CYYR1: variants seen among roughly 807,000 people sequenced by gnomAD.
CYYR1 encodes cysteine and tyrosine-rich protein 1.
In CYYR1, 14 loss-of-function variants were observed where a neutral mutation model predicts 15.2. That is an observed-to-expected ratio of 0.92 (90% CI 0.61 to 1.44). The LOEUF is 1.44. Ranked by LOEUF, CYYR1 falls within the 40% of genes most tolerant of loss-of-function variation. CYYR1 has a pLI of 0.00. For synonymous variants in CYYR1, 80 were observed against 77.4 expected (o/e 1.03, Z -0.18); for missense variants, 228 against 209.5 (o/e 1.09, Z -0.54).
At chr21:26,473,442 T>C (rs1212583332) in intron 3 of CYYR1, among the ~76,000 whole-genome samples, 1 of 152,138 alleles carries the variant, frequency 6.6e-6, no homozygotes, top group East Asian at 1.9e-4. Flanking sequence ...TCAGATAGCA[T>C]CAAGACAAAT....
chr21:26,509,591 G>A (rs1352472779), intron 2 of CYYR1, among the ~76,000 whole-genome samples: 1 of 152,144 alleles, frequency 6.6e-6, no homozygotes, highest in Non-Finnish European at 1.5e-5. Context: ...GATCTCAGTG[G>A]CTTTACTGAA....
At chr21:26,488,282 T>TTCCTTCCA (rs1156282921) in intron 2 of CYYR1, among the ~76,000 whole-genome samples, 14 of 151,482 alleles carry the variant, frequency 9.2e-5, no homozygotes, top group African/African-American at 3.4e-4. Context: ...CCTTCCTTCC[T>TTCCTTCCA]TCCAGACAAG....
intron 2 of CYYR1, among the ~76,000 whole-genome samples, chr21:26,537,410 A>G (rs1030720910): frequency 1.3e-5 from 2 of 152,246 alleles, no homozygotes; most frequent in Middle Eastern, 3.4e-3. Flanking sequence ...TTTTATTGCA[A>G]TACTAAAAAG....
chr21:26,478,216 C>T, intron 3 of CYYR1: 2 of 1,515,732 alleles, frequency 1.3e-6, no homozygotes, highest in East Asian at 2.5e-5. Context: ...TAAAAGCACT[C>T]TGGATAAAAA....
chr21:26,528,896 T>C (rs888232089), intron 2 of CYYR1, among the ~76,000 whole-genome samples: 34 of 152,310 alleles, frequency 2.2e-4, no homozygotes, highest in Non-Finnish European at 4.9e-4. Flanking sequence ...AAAGATCTCT[T>C]ATAAGCCTTT....
At chr21:26,505,063 TA>T (rs894260116) in intron 2 of CYYR1, among the ~76,000 whole-genome samples, 3 of 152,232 alleles carry the variant, frequency 2.0e-5, no homozygotes, top group African/African-American at 7.2e-5. Context: ...GAAAGATGGT[TA>T]AAATATTTTA....
At position 26,541,811 on chromosome 21, in the gene CYYR1, G is replaced by T. The variant is rs144821222; in HGVS notation, c.176+24455C>A. ...AAGTTATTACATTTTATGAGAAGGG[G>T]TGCTTAACTTTCAATAGAAAAATTA... On this transcript the variant is annotated intron_variant, in intron 2 of 3. Transcript: ENST00000652641. Among the ~76,000 whole-genome samples, 4 of 152,268 alleles carry T rather than the reference G, an allele frequency of 2.6e-5. No individual in the cohort carries two copies. In the East Asian group the frequency reaches 7.7e-4, roughly 29 times the overall value.
At chr21:26,474,124 G>A (rs914887311) in intron 3 of CYYR1, among the ~76,000 whole-genome samples, 3 of 143,462 alleles carry the variant, frequency 2.1e-5, no homozygotes, top group African/African-American at 7.7e-5. Context: ...TTGCCTCACT[G>A]TAAACTCCAC....
intron 2 of CYYR1, among the ~76,000 whole-genome samples, chr21:26,491,786 C>G (rs8129721): frequency 0.025 from 3,827 of 152,192 alleles, 154 homozygotes; most frequent in African/African-American, 0.086. Flanking sequence ...TTGCTTTTGT[C>G]TACACATTAC....
rs1569181064 is a variant in CYYR1 at position 26,566,383 on chromosome 21, C to A, written c.74-15G>T. ...AAGGCAATCATCTACAAAACAAAAACCACTTGTGAGCAGTTATAGTTGTAA... is the reference window on the plus strand; with the variant it reads ...AAGGCAATCATCTACAAAACAAAAAACACTTGTGAGCAGTTATAGTTGTAA... On this transcript the variant is annotated splice_polypyrimidine_tract_variant and intron_variant, in intron 1 of 3. Coordinates refer to ENST00000652641, the MANE Select transcript of CYYR1 (RefSeq NM_001320768.2). 5 of 1,590,510 alleles carry A rather than the reference C, an allele frequency of 3.1e-6. No individual in the cohort carries two copies. The highest frequency in any genetic ancestry group is 4.3e-6 in the Non-Finnish European group (5 of 1,159,766).
At chr21:26,501,285 C>T (rs757921190) in intron 2 of CYYR1, among the ~76,000 whole-genome samples, 6 of 152,120 alleles carry the variant, frequency 3.9e-5, no homozygotes, top group Non-Finnish European at 4.4e-5. Context: ...TGCAGTGAGC[C>T]GAGATTGCAC....
intron 2 of CYYR1, among the ~76,000 whole-genome samples, chr21:26,562,799 A>AACACACACACACACACACACACACACAC (rs57351372): frequency 7.5e-6 from 1 of 132,490 alleles, no homozygotes; most frequent in Non-Finnish European, 1.6e-5. Context: ...GACATACACA[A>AACACACACACACACACACACACACACAC]ACACACACAC....
In CYYR1 at chr21:26,468,481, G is replaced by A. The variant is rs773986577; in HGVS notation, c.*20C>T. ...CAGGCAAGATCGCCCATTGGCACATGTTCTGTTCTGGGAGATAGATTATTT... is the reference window on the plus strand; with the variant it reads ...CAGGCAAGATCGCCCATTGGCACATATTCTGTTCTGGGAGATAGATTATTT... On this transcript the variant is annotated 3_prime_UTR_variant, in exon 4 of 4. Transcript: ENST00000652641. The A allele has an allele frequency of 2.7e-6, 4 of 1,455,350 alleles. No homozygotes were observed. In the East Asian group the frequency reaches 6.8e-5, roughly 25 times the overall value. The allele number at this position is 1,455,350 out of a possible 1,614,324, so 90.2% of individuals were successfully genotyped here.
chr21:26,484,912 C>T (rs2065230793), intron 2 of CYYR1, among the ~76,000 whole-genome samples: 2 of 151,916 alleles, frequency 1.3e-5, no homozygotes. Flanking sequence ...GAAGTTGGTG[C>T]CCTTGATCCT....
At chr21:26,564,079 G>C (rs1980433724) in intron 2 of CYYR1, among the ~76,000 whole-genome samples, 1 of 151,844 alleles carries the variant, frequency 6.6e-6, no homozygotes, top group Admixed American at 6.6e-5. Flanking sequence ...CATCATTTAT[G>C]AATTTCAAAA....
intron 2 of CYYR1, among the ~76,000 whole-genome samples, chr21:26,510,230 A>G (rs1284502732): frequency 6.6e-6 from 1 of 152,188 alleles, no homozygotes; most frequent in Non-Finnish European, 1.5e-5. Context: ...TGCAGTATGG[A>G]GCATAGGAAA....
Position 26,502,302 on chromosome 21 carries a change from CTTT to C in CYYR1, c.177-21876_177-21874del, listed in dbSNP as rs33974862. 7.2e-3 allele frequency among the ~76,000 whole-genome samples: 1,005 copies of C among 139,274 alleles called. 10 individuals carry two copies. Among genetic ancestry groups the C allele is most frequent in the African/African-American group, 0.021 (789 of 38,040 alleles). The allele number at this position is 139,274 out of a possible 152,430, so 91.4% of individuals were successfully genotyped here. Reference sequence around the variant, plus strand: ...TTGCTATGTATAGAATTGAGAACTGCTTTTTTTTTTTTTTTTTGATCTTGCAAA... The same window carrying C: ...TTGCTATGTATAGAATTGAGAACTGCTTTTTTTTTTTTTTGATCTTGCAAA... On this transcript the variant is annotated intron_variant, in intron 2 of 3. Transcript: ENST00000652641.
At chr21:26,531,644 T>G (rs1460953879) in intron 2 of CYYR1, among the ~76,000 whole-genome samples, 1 of 152,122 alleles carries the variant, frequency 6.6e-6, no homozygotes, top group East Asian at 1.9e-4. Context: ...TAACTCTTCC[T>G]GTACAGCCTG....
chr21:26,492,486 T>G (rs2065341815), intron 2 of CYYR1, among the ~76,000 whole-genome samples: 1 of 152,092 alleles, frequency 6.6e-6, no homozygotes, highest in Admixed American at 6.6e-5. Flanking sequence ...CACTGCAACT[T>G]TGTATGGTTG....
Sources: allele counts gnomAD v4.1 joint callset (sites outside exome capture counted in the v4.1 genomes callset), GRCh38; gene constraint gnomAD v4.1.1; transcripts MANE v1.5; gene names NCBI Gene and HGNC (gene_info 2026-07-23, HGNC 2026-07-21).